SIRT2: variants seen among roughly 807,000 people sequenced by gnomAD.
SIRT2 encodes sirtuin 2.
Under a neutral mutation model 57.4 loss-of-function variants are expected in SIRT2, and 40 were observed. The observed-to-expected ratio is 0.70, with a 90% CI of 0.54 to 0.91. The LOEUF (loss-of-function observed/expected upper bound fraction) is 0.91. Ranked by LOEUF, SIRT2 falls within the 40% of genes least tolerant of loss-of-function variation. SIRT2 has a pLI of 0.00. For missense variants in SIRT2, 439 were observed against 510.4 expected (o/e 0.86, Z 1.35); for synonymous variants, 161 against 195.7 (o/e 0.82, Z 1.48).
chr19:38,885,435 T>G (rs1022379375), intron 8 of SIRT2, among the ~76,000 whole-genome samples: 1 of 150,636 alleles, frequency 6.6e-6, no homozygotes, highest in Non-Finnish European at 1.5e-5. Flanking sequence ...TTTCTTTTTT[T>G]TTTTTTTCAG....
intron 8 of SIRT2, among the ~76,000 whole-genome samples, chr19:38,887,972 T>C (rs1600116429): frequency 6.6e-6 from 1 of 152,048 alleles, no homozygotes; most frequent in South Asian, 2.1e-4. Flanking sequence ...GACAGGCTGG[T>C]CTTGAACTCC....
At position 38,889,837 on chromosome 19, in the gene SIRT2, T is replaced by C. The variant is rs1296691936; in HGVS notation, c.375+18A>G. The C allele has an allele frequency of 1.2e-6, 2 of 1,613,368 alleles. No homozygotes were observed. Among genetic ancestry groups the C allele is most frequent in the East Asian group, 4.5e-5 (2 of 44,872 alleles). On this transcript the variant is annotated intron_variant, in intron 6 of 15. Coordinates refer to ENST00000249396, the MANE Select transcript of SIRT2 (RefSeq NM_012237.4). ...ATCCCCACCCCTCACAGACGCCCCTTCCTGGGGGAGCACAAACCTTGAAAT... is the reference window on the plus strand; with the variant it reads ...ATCCCCACCCCTCACAGACGCCCCTCCCTGGGGGAGCACAAACCTTGAAAT...
At chr19:38,882,826 C>T (rs757898500) in intron 9 of SIRT2, among the ~76,000 whole-genome samples, 9 of 152,188 alleles carry the variant, frequency 5.9e-5, no homozygotes, top group South Asian at 2.1e-4. Context: ...CTGCCTGTGA[C>T]GCTGCTGTCA....
intron 4 of SIRT2, among the ~76,000 whole-genome samples, chr19:38,891,418 A>G (rs962465033): frequency 4.6e-5 from 7 of 152,196 alleles, no homozygotes; most frequent in African/African-American, 7.2e-5. Context: ...GCGTGGTGGC[A>G]CGCGCCTGTA....
chr19:38,890,615 G>A (rs191175624), intron 4 of SIRT2: 95 of 174,086 alleles, frequency 5.5e-4, no homozygotes, highest in African/African-American at 2.0e-3. Flanking sequence ...ACTTGAACCC[G>A]GGAGGCGGAG....
At chr19:38,898,513 A>T (rs997595603) in intron 1 of SIRT2, 88 bp from the exon 2 acceptor site, 5 of 574,972 alleles carry the variant, frequency 8.7e-6, no homozygotes, top group Non-Finnish European at 1.5e-5. Context: ...GGGGGCAAGA[A>T]CACCCACCAA....
At chr19:38,888,607 G>A (rs1309174684) in intron 8 of SIRT2, among the ~76,000 whole-genome samples, 1 of 152,136 alleles carries the variant, frequency 6.6e-6, no homozygotes, top group African/African-American at 2.4e-5. Flanking sequence ...GTTTATAATT[G>A]GGCAAAGCAC....
At chr19:38,881,640 C>G (rs1485662422) in intron 9 of SIRT2, 149 bp from the exon 10 acceptor site, 2 of 649,184 alleles carry the variant, frequency 3.1e-6, no homozygotes, top group African/African-American at 3.7e-5. Context: ...GGTGTCCACT[C>G]TGCTCAGAAA....
intron 8 of SIRT2, among the ~76,000 whole-genome samples, chr19:38,886,788 A>G (rs1486854505): frequency 6.6e-6 from 1 of 151,596 alleles, no homozygotes; most frequent in Non-Finnish European, 1.5e-5. Context: ...CACCCAGCTA[A>G]TTTTTGTATT....
chr19:38,898,017 T>C (rs1973781279), intron 2 of SIRT2, among the ~76,000 whole-genome samples: 1 of 152,236 alleles, frequency 6.6e-6, no homozygotes, highest in Non-Finnish European at 1.5e-5. Flanking sequence ...TGAGTTACTT[T>C]CGTCATCACG....
chr19:38,895,654 C>T (rs1973692160), intron 2 of SIRT2, among the ~76,000 whole-genome samples: 1 of 152,190 alleles, frequency 6.6e-6, no homozygotes, highest in African/African-American at 2.4e-5. Flanking sequence ...TGTGCAACTC[C>T]GGCTGGGCGT....
chr19:38,884,668 C>T (rs750970056), intron 8 of SIRT2, among the ~76,000 whole-genome samples: 1 of 151,982 alleles, frequency 6.6e-6, no homozygotes, highest in Non-Finnish European at 1.5e-5. Flanking sequence ...AGGCTGGTCT[C>T]GAACTCTGGA....
rs1168811952 is a variant in SIRT2 at position 38,889,344 on chromosome 19, T to C, written c.433-189A>G. ...GGAAACTGAAGGACAGGGAAGGGGA[T>C]TGTGTTGCCAAAGTCACACGGTGGG... On this transcript the variant is annotated intron_variant, in intron 7 of 15. Transcript: ENST00000249396. 6.9e-6 allele frequency: 5 copies of C among 721,244 alleles called. No individual in the cohort carries two copies. The South Asian group carries it at 7.5e-5, about 11-fold the overall frequency. The allele number at this position is 721,244 out of a possible 1,614,324, so 44.7% of individuals were successfully genotyped here.
In SIRT2 at chr19:38,879,475, C is replaced by A. The variant is rs760353657; in HGVS notation, c.973G>T (p.Asp325Tyr). The A allele has an allele frequency of 6.2e-7, 1 of 1,604,658 alleles. No individual in the cohort carries two copies. Among genetic ancestry groups the A allele is most frequent in the South Asian group, 1.1e-5 (1 of 89,408 alleles). The change falls in exon 15 of 16, where the codon GAC becomes TAC. Residue 325 changes from aspartate to tyrosine, a missense_variant. Asp to Tyr is a radical substitution (Grantham distance 160). Transcript: ENST00000249396. ...TCAGCAAGGGCCAGGCAGCCCTGGT[C>A]GCATTCACCCAGCCAGGCCACGTCC... ...YRDVAWLGEC[D>Y]QGCLALAELL... is the part of the protein sequence containing the mutation.
chr19:38,897,567 G>A (rs1344273890), intron 2 of SIRT2, among the ~76,000 whole-genome samples: 6 of 151,408 alleles, frequency 4.0e-5, no homozygotes, highest in Admixed American at 2.0e-4. Flanking sequence ...CTGTCGCCCC[G>A]GTTGGGGTGC....
chr19:38,884,331 C>A (rs1440015381), intron 8 of SIRT2, among the ~76,000 whole-genome samples: 1 of 152,152 alleles, frequency 6.6e-6, no homozygotes, highest in African/African-American at 2.4e-5. Flanking sequence ...TTAATGGAGC[C>A]CCCTCAGATG....
At chr19:38,896,110 G>C (rs550363994) in intron 2 of SIRT2, among the ~76,000 whole-genome samples, 1 of 152,116 alleles carries the variant, frequency 6.6e-6, no homozygotes, top group South Asian at 2.1e-4. Flanking sequence ...GAGAATGAGA[G>C]AGAGAGAGAG....
intron 8 of SIRT2, among the ~76,000 whole-genome samples, chr19:38,887,876 C>T (rs1973392505): frequency 6.6e-6 from 1 of 152,162 alleles, no homozygotes. Context: ...TCTCCTGCCT[C>T]AGCCTCCCGA....
intron 7 of SIRT2, 140 bp from the exon 8 acceptor site, chr19:38,889,295 C>G (rs1568401790): frequency 1.3e-6 from 1 of 758,874 alleles, no homozygotes; most frequent in Middle Eastern, 2.2e-4. Context: ...GGAGAGACCA[C>G]TGCTATCCCC....
Sources: gnomAD v4.1 joint callset for allele counts (sites outside exome capture counted in the v4.1 genomes callset) on GRCh38, gnomAD v4.1.1 for gene constraint, MANE v1.5 for transcripts, NCBI Gene and HGNC (gene_info 2026-07-23, HGNC 2026-07-21) for gene names.